L2HGDH: variants seen among roughly 807,000 people sequenced by gnomAD.
The protein encoded by L2HGDH is L-2-hydroxyglutarate dehydrogenase, mitochondrial.
A neutral mutation model predicts 51.5 loss-of-function variants in L2HGDH; 34 were observed. The observed-to-expected ratio is 0.66, with a 90% CI of 0.50 to 0.88. L2HGDH has a LOEUF of 0.88. Among genes scored for constraint, L2HGDH ranks in the 40% least tolerant of loss-of-function variants. The probability of loss-of-function intolerance (pLI) is 0.00; values close to 1 mark genes in which losing one functional copy is unlikely to be tolerated. For missense variants in L2HGDH, 558 were observed against 571.9 expected (o/e 0.98, Z 0.25); for synonymous variants, 198 against 197.9 (o/e 1.00, Z -0.01).
At position 50,242,522 on chromosome 14, in the gene L2HGDH, A is replaced by G. The variant is rs1380083561; in HGVS notation, c.*4536T>C. 6 of 983,340 alleles carry G rather than the reference A, an allele frequency of 6.1e-6. No homozygotes were observed. The highest frequency in any genetic ancestry group is 1.7e-5 in the African/African-American group (1 of 57,188). The allele number at this position is 983,340 out of a possible 1,614,324, so 60.9% of individuals were successfully genotyped here. ...CATCAACAACAACAACAAACCCACA[A>G]TACTTTCTAGGATTTGAGGCCAGAA... On this transcript the variant is annotated 3_prime_UTR_variant, in exon 10 of 10. Transcript: ENST00000267436.
chr14:50,296,742 T>A (rs1264111551), intron 3 of L2HGDH, among the ~76,000 whole-genome samples: 2 of 152,130 alleles, frequency 1.3e-5, no homozygotes, highest in Non-Finnish European at 2.9e-5. Context: ...AGGCCAATAT[T>A]AGTTTGATAC....
In L2HGDH at chr14:50,267,890, A is replaced by C; in HGVS notation, c.927T>G (p.Pro309=). 6.2e-7 allele frequency: 1 copy of C among 1,614,102 alleles called. No homozygotes were observed. The highest frequency in any genetic ancestry group is 2.2e-5 in the East Asian group (1 of 44,878). The part of the protein sequence containing the change: ...NIYPVPDSRF[P]FLGVHFTPRM... Reference sequence around the variant, plus strand: ...TTGGTGTGAAGTGAACTCCTAGGAAAGGAAACCGGCTATCTGGGACCTATA... The same window carrying C: ...TTGGTGTGAAGTGAACTCCTAGGAACGGAAACCGGCTATCTGGGACCTATA... The change falls in exon 8 of 10, where the codon CCT becomes CCG. Residue 309 remains proline (P), a synonymous_variant. Coordinates refer to ENST00000267436, the MANE Select transcript of L2HGDH (RefSeq NM_024884.3).
At position 50,265,475 on chromosome 14, in the gene L2HGDH, A is replaced by G; in HGVS notation, c.1079T>C (p.Leu360Pro). The G allele has an allele frequency of 6.2e-7, 1 of 1,613,152 alleles. No homozygotes were observed. Among genetic ancestry groups the G allele is most frequent in the Non-Finnish European group, 8.5e-7 (1 of 1,179,404 alleles). The change falls in exon 9 of 10, where the codon CTG (leucine) becomes CCG (proline). Residue 360 changes from leucine (L) to proline (P), a missense_variant. By Grantham distance (98) the Leu-to-Pro change is moderately conservative (BLOSUM62 -3). Coordinates refer to ENST00000267436, the MANE Select transcript of L2HGDH (RefSeq NM_024884.3). ...TCCATAGGAAAAATTCTGGGATGCCAGTTTAATCAAGCCACTGAAAACAGA... is the reference window on the plus strand; with the variant it reads ...TCCATAGGAAAAATTCTGGGATGCCGGTTTAATCAAGCCACTGAAAACAGA... ...DIIINSGLIK[L>P]ASQNFSYGVT...
At chr14:50,253,561 TGGG>T in intron 9 of L2HGDH, among the ~76,000 whole-genome samples, 1 of 152,042 alleles carries the variant, frequency 6.6e-6, no homozygotes, top group Non-Finnish European at 1.5e-5. Context: ...TATGGAGAAA[TGGG>T]AAACCTCATA....
At chr14:50,270,492 TTTG>T (rs145385696) in intron 6 of L2HGDH, among the ~76,000 whole-genome samples, 63,947 of 150,548 alleles carry the variant, frequency 0.42, 13,769 homozygotes, top group East Asian at 0.64. Context: ...GCCTTACTGT[TTTG>T]TTGTTGTTGT....
At position 50,245,693 on chromosome 14, in the gene L2HGDH, A is replaced by G; in HGVS notation, c.*1365T>C. The G allele has an allele frequency of 4.1e-6, 4 of 984,974 alleles. No individual in the cohort carries two copies. The highest frequency in any genetic ancestry group is 4.8e-6 in the Non-Finnish European group (4 of 829,504). The allele number at this position is 984,974 out of a possible 1,614,324, so 61.0% of individuals were successfully genotyped here. On this transcript the variant is annotated 3_prime_UTR_variant, in exon 10 of 10. Coordinates refer to ENST00000267436, the MANE Select transcript of L2HGDH (RefSeq NM_024884.3). The stretch of plus-strand genomic sequence containing the variant: ...TGTATTTTCTTGTCTATGAGAGACC[A>G]AACGAGCTTAGGTAGCGTAATGCTA...
intron 9 of L2HGDH, among the ~76,000 whole-genome samples, chr14:50,264,211 T>A (rs1439276561): frequency 2.0e-5 from 3 of 151,594 alleles, no homozygotes; most frequent in Non-Finnish European, 2.9e-5. Flanking sequence ...AAACCCTGTC[T>A]CTACTAAAAA....
Position 50,243,361 on chromosome 14 carries a change from T to G in L2HGDH, c.*3697A>C, listed in dbSNP as rs1404756663. The G allele has an allele frequency of 3.0e-6, 3 of 984,018 alleles. No homozygotes were observed. The African/African-American group carries it at 5.3e-5, about 17-fold the overall frequency. The allele number at this position is 984,018 out of a possible 1,614,324, so 61.0% of individuals were successfully genotyped here. On this transcript the variant is annotated 3_prime_UTR_variant, in exon 10 of 10. Coordinates refer to ENST00000267436, the MANE Select transcript of L2HGDH (RefSeq NM_024884.3). The stretch of plus-strand genomic sequence containing the variant: ...TATTATATACTAACACAGAAATGAG[T>G]TTTTTAAAAAGGTTGGCTGCTATCT...
In L2HGDH at chr14:50,243,200, A is replaced by C; in HGVS notation, c.*3858T>G. 2.0e-6 allele frequency: 2 copies of C among 985,396 alleles called. No homozygotes were observed. The highest frequency in any genetic ancestry group is 2.4e-6 in the Non-Finnish European group (2 of 829,880). 61.0% of individuals were successfully genotyped at this position (985,396 alleles called of 1,614,324 possible). ...GATATACACATATATGTATGGATAA[A>C]AGAGTTAAGCTACGTAACATGAAAC... On this transcript the variant is annotated 3_prime_UTR_variant, in exon 10 of 10. Transcript: ENST00000267436.
intron 3 of L2HGDH, among the ~76,000 whole-genome samples, chr14:50,301,409 G>T (rs2030399301): frequency 6.6e-6 from 1 of 151,964 alleles, no homozygotes; most frequent in South Asian, 2.1e-4. Context: ...TAGCCAAAAG[G>T]TGGAAACAAT....
intron 9 of L2HGDH, among the ~76,000 whole-genome samples, chr14:50,247,941 T>C (rs1888103918): frequency 6.6e-6 from 1 of 152,064 alleles, no homozygotes; most frequent in Non-Finnish European, 1.5e-5. Context: ...TCAGGTTGTG[T>C]ACACAACCTC....
At position 50,247,250 on chromosome 14, in the gene L2HGDH, G is replaced by A. The variant is rs780217147; in HGVS notation, c.1200C>T (p.Gly400=). 6.2e-6 allele frequency: 10 copies of A among 1,612,564 alleles called. No individual in the cohort carries two copies. In the Admixed American group the frequency reaches 1.7e-4, roughly 27 times the overall value. The change falls in exon 10 of 10, where the codon GGC becomes GGT. Residue 400 remains glycine, a synonymous_variant. Transcript: ENST00000267436. ...PEITISDILR[G]PAGVRAQALD... ...GGGCCTGGGCTCTTACTCCAGCTGG[G>A]CCCCTGCAAAAGTAAAAGATGGGAG...
intron 5 of L2HGDH, among the ~76,000 whole-genome samples, chr14:50,283,060 G>T (rs1431984299): frequency 2.0e-5 from 3 of 151,954 alleles, no homozygotes; most frequent in African/African-American, 7.3e-5. Context: ...AATTAGCTGG[G>T]TGTGGTGGCA....
chr14:50,304,912 G>GT (rs1402169175), intron 1 of L2HGDH, among the ~76,000 whole-genome samples: 1 of 152,128 alleles, frequency 6.6e-6, no homozygotes, highest in African/African-American at 2.4e-5. Context: ...CTTTAACACT[G>GT]ACCTGATAGC....
In L2HGDH at chr14:50,245,018, T is replaced by A; in HGVS notation, c.*2040A>T. The A allele has an allele frequency of 1.0e-6, 1 of 985,538 alleles. No individual in the cohort carries two copies. The highest frequency in any genetic ancestry group is 1.1e-4 in the East Asian group (1 of 8,814). The allele number at this position is 985,538 out of a possible 1,614,324, so 61.0% of individuals were successfully genotyped here. On this transcript the variant is annotated 3_prime_UTR_variant, in exon 10 of 10. Transcript: ENST00000267436. ...TTCTAAATTATAAGAATAATTTCGA[T>A]AGATACCACAAAACACATATATACA...
intron 6 of L2HGDH, among the ~76,000 whole-genome samples, chr14:50,274,530 G>GA (rs899368129): frequency 2.0e-5 from 3 of 152,096 alleles, no homozygotes; most frequent in Admixed American, 6.6e-5. Flanking sequence ...GCCATCACAG[G>GA]AAACAGTAAG....
Position 50,312,134 on chromosome 14 carries a change from C to T in L2HGDH, c.17G>A (p.Arg6His). 3 of 1,610,422 alleles carry T rather than the reference C, an allele frequency of 1.9e-6. No homozygotes were observed. Among genetic ancestry groups the T allele is most frequent in the Non-Finnish European group, 2.5e-6 (3 of 1,179,086 alleles). MVPAL[R>H]YLVGACGRAR... ...CCGTCCGCAGGCACCAACCAAATAACGCAGCGCTGGCACCATCCCCTACGC... is the reference window on the plus strand; with the variant it reads ...CCGTCCGCAGGCACCAACCAAATAATGCAGCGCTGGCACCATCCCCTACGC... Residue 6 changes from arginine to histidine, a missense_variant, in exon 1 of 10, where the codon CGT (arginine) becomes CAT (histidine). By Grantham distance (29) the Arg-to-His change is conservative (BLOSUM62 0). Around this residue, in one of 3 missense-constraint regions of L2HGDH, gnomAD observed 194 missense variants for 187.2 expected, o/e 1.04. Coordinates refer to ENST00000267436, the MANE Select transcript of L2HGDH (RefSeq NM_024884.3).
In L2HGDH at chr14:50,302,011, C is replaced by T. The variant is rs1269274655; in HGVS notation, c.408+6G>A. ...AATTAGTCAAGGCTCTAATAAAATG[C>T]CATACCTTGCCACACTGCTTGTAGG... On this transcript the variant is annotated splice_donor_region_variant and intron_variant, in intron 3 of 9. Transcript: ENST00000267436. 3 of 1,613,768 alleles carry T rather than the reference C, an allele frequency of 1.9e-6. No individual in the cohort carries two copies. The highest frequency in any genetic ancestry group is 2.5e-6 in the Non-Finnish European group (3 of 1,179,904).
At chr14:50,303,142 G>A (rs770247445) in intron 1 of L2HGDH, 125 bp from the exon 2 acceptor site, 214 of 682,382 alleles carry the variant, frequency 3.1e-4, no homozygotes, top group South Asian at 6.3e-4. Flanking sequence ...CGTATTCGGC[G>A]GCCGGTCGCA....
Sources: gnomAD v4.1 joint callset for allele counts (sites outside exome capture counted in the v4.1 genomes callset) on GRCh38, gnomAD v4.1.1 for gene constraint, gnomAD v4.1.1 regional missense constraint, MANE v1.5 for transcripts, NCBI Gene and HGNC (gene_info 2026-07-23, HGNC 2026-07-21) for gene names.